PRPSAP1: variants seen among roughly 807,000 people sequenced by gnomAD.
The protein encoded by PRPSAP1 is phosphoribosyl pyrophosphate synthetase associated protein 1, also known as phosphoribosyl pyrophosphate synthase-associated protein 1.
In PRPSAP1, 31 loss-of-function variants were observed where a neutral mutation model predicts 39.4. The observed-to-expected ratio is 0.79, with a 90% CI of 0.59 to 1.06. The LOEUF (loss-of-function observed/expected upper bound fraction) is 1.06. PRPSAP1 is among the 50% of genes least tolerant of loss of function. The pLI, the probability that PRPSAP1 is intolerant of heterozygous loss-of-function variation, is 0.00. For missense variants in PRPSAP1, 430 were observed against 511.6 expected, an observed-to-expected ratio of 0.84 and a Z score of 1.54; for synonymous variants, 212 against 192.6, an observed-to-expected ratio of 1.10 and a Z score of -0.83.
At chr17:76,334,717 C>T (rs957776024) in intron 3 of PRPSAP1, among the ~76,000 whole-genome samples, 1 of 152,156 alleles carries the variant, frequency 6.6e-6, no homozygotes, top group Non-Finnish European at 1.5e-5. Context: ...TTTTAGACTG[C>T]TAATCCATTC....
chr17:76,314,408 G>T (rs1471885359), intron 7 of PRPSAP1: 2 of 160,836 alleles, frequency 1.2e-5, no homozygotes, highest in Non-Finnish European at 2.7e-5. Flanking sequence ...GTAGAGATGG[G>T]GTTTCTCCAC....
chr17:76,322,133 A>G (rs190709821), intron 7 of PRPSAP1, among the ~76,000 whole-genome samples: 2 of 152,346 alleles, frequency 1.3e-5, no homozygotes, highest in African/African-American at 4.8e-5. Context: ...GCAGTAGTTC[A>G]CACCTGTAAT....
At chr17:76,315,702 T>G (rs2071115651) in intron 7 of PRPSAP1, among the ~76,000 whole-genome samples, 1 of 64,344 alleles carries the variant, frequency 1.6e-5, no homozygotes, top group African/African-American at 6.5e-5. Flanking sequence ...CCTATCCGCT[T>G]TTTTTTTTTT....
intron 3 of PRPSAP1, among the ~76,000 whole-genome samples, chr17:76,340,433 C>A (rs1448916927): frequency 6.6e-6 from 1 of 151,780 alleles, no homozygotes; most frequent in Non-Finnish European, 1.5e-5. Flanking sequence ...TTGTCAAGTT[C>A]AGTCTTTACT....
At chr17:76,350,438 CAA>C (rs541471519) in intron 1 of PRPSAP1, among the ~76,000 whole-genome samples, 1 of 127,452 alleles carries the variant, frequency 7.8e-6, no homozygotes, top group Non-Finnish European at 1.7e-5. Flanking sequence ...GATTCCGTCT[CAA>C]AAAAAAAAAA....
chr17:76,346,507 C>CA (rs2071502423), intron 2 of PRPSAP1, among the ~76,000 whole-genome samples: 1 of 152,212 alleles, frequency 6.6e-6, no homozygotes, highest in African/African-American at 2.4e-5. Context: ...CTGACCCCCC[C>CA]ATAATTGATT....
intron 7 of PRPSAP1, among the ~76,000 whole-genome samples, chr17:76,320,340 G>GAA (rs1211604122): frequency 1.5e-4 from 19 of 123,994 alleles, no homozygotes; most frequent in African/African-American, 8.3e-4. Flanking sequence ...AGGGAGGGAG[G>GAA]GAGGAAGGAA....
At position 76,318,364 on chromosome 17, in the gene PRPSAP1, C is replaced by T. The variant is rs546823371; in HGVS notation, c.782-4473G>A. Among the ~76,000 whole-genome samples the T allele has an allele frequency of 5.9e-5, 9 of 152,200 alleles. No homozygotes were observed. In the South Asian group the frequency reaches 1.7e-3, roughly 28 times the overall value. ...ACTCGGGAGGCTGAGGCAGGAGAAT[C>T]GCTTGAACCTGGGAGGCGGAGGTGG... On this transcript the variant is annotated intron_variant, in intron 7 of 9. Transcript: ENST00000446526.
At chr17:76,338,556 A>C (rs1447634382) in intron 3 of PRPSAP1, among the ~76,000 whole-genome samples, 1 of 151,726 alleles carries the variant, frequency 6.6e-6, no homozygotes, top group African/African-American at 2.4e-5. Flanking sequence ...TACAAAAATT[A>C]GCTGGGTGTG....
intron 7 of PRPSAP1, 85 bp downstream of exon 7, chr17:76,328,632 A>C (rs1487398343): frequency 3.3e-5 from 48 of 1,470,602 alleles, no homozygotes; most frequent in South Asian, 8.8e-5. Context: ...AACAAAACAA[A>C]ACAACAACAA....
intron 7 of PRPSAP1, among the ~76,000 whole-genome samples, chr17:76,320,161 T>G (rs1249865207): frequency 6.6e-6 from 1 of 151,466 alleles, no homozygotes; most frequent in Non-Finnish European, 1.5e-5. Flanking sequence ...TCCCAGAAAC[T>G]TGAGAGAACG....
At chr17:76,318,769 T>G (rs1234337400) in intron 7 of PRPSAP1, among the ~76,000 whole-genome samples, 1 of 152,176 alleles carries the variant, frequency 6.6e-6, no homozygotes, top group African/African-American at 2.4e-5. Context: ...CTAGAAGTAA[T>G]GCACTCTTTT....
chr17:76,337,182 G>C (rs1304603081), intron 3 of PRPSAP1: 2 of 152,162 alleles, frequency 1.3e-5, no homozygotes, highest in Admixed American at 1.3e-4. Context: ...GCCTCCCAAA[G>C]TGCTGGGAGT....
chr17:76,336,616 C>T (rs990258115), intron 3 of PRPSAP1, among the ~76,000 whole-genome samples: 3 of 150,796 alleles, frequency 2.0e-5, no homozygotes, highest in Non-Finnish European at 4.4e-5. Context: ...CCTGTAATCC[C>T]AGTTACTCAG....
chr17:76,347,496 A>T (rs1231921285), intron 2 of PRPSAP1, among the ~76,000 whole-genome samples: 2 of 149,814 alleles, frequency 1.3e-5, no homozygotes, highest in African/African-American at 4.9e-5. Flanking sequence ...AAAAAAAAAA[A>T]AAAAAAAAAA....
At chr17:76,353,442 G>T in intron 1 of PRPSAP1, 92 bp downstream of exon 1, 1 of 1,249,124 alleles carries the variant, frequency 8.0e-7, no homozygotes, top group Non-Finnish European at 1.1e-6. Flanking sequence ...AGGTGCAGGA[G>T]GTGGGGCGGG....
At position 76,327,934 on chromosome 17, in the gene PRPSAP1, G is replaced by A. The variant is rs150437636; in HGVS notation, c.781+783C>T. Among the ~76,000 whole-genome samples, 10 of 152,122 alleles carry A rather than the reference G, an allele frequency of 6.6e-5. No homozygotes were observed. The East Asian group carries it at 7.7e-4, about 12-fold the overall frequency. Reference sequence around the variant, plus strand: ...CATGTCTGTAATCTTATGTAATCTCGGCATTTTGGGAGACCATGACAGGAG... The same window carrying A: ...CATGTCTGTAATCTTATGTAATCTCAGCATTTTGGGAGACCATGACAGGAG... On this transcript the variant is annotated intron_variant, in intron 7 of 9. Coordinates refer to ENST00000446526, the MANE Select transcript of PRPSAP1 (RefSeq NM_002766.3).
At chr17:76,312,635 A>G (rs998260856) in intron 9 of PRPSAP1, among the ~76,000 whole-genome samples, 2 of 152,328 alleles carry the variant, frequency 1.3e-5, no homozygotes, top group Non-Finnish European at 2.9e-5. Context: ...ACTATACATT[A>G]CATCGTAATT....
intron 2 of PRPSAP1, among the ~76,000 whole-genome samples, chr17:76,345,161 G>A (rs975427806): frequency 6.8e-6 from 1 of 147,298 alleles, no homozygotes; most frequent in Non-Finnish European, 1.5e-5. Context: ...CGTGAACCTG[G>A]GAGGCAGAGC....
Sources: allele counts gnomAD v4.1 joint callset (sites outside exome capture counted in the v4.1 genomes callset), GRCh38; gene constraint gnomAD v4.1.1; transcripts MANE v1.5; gene names NCBI Gene and HGNC (gene_info 2026-07-23, HGNC 2026-07-21).